SLC25A25: variants seen among roughly 807,000 people sequenced by gnomAD.
The protein encoded by SLC25A25 is solute carrier family 25 member 25.
A neutral mutation model predicts 57.7 loss-of-function variants in SLC25A25; 32 were observed. That is an observed-to-expected ratio of 0.55 (90% CI 0.42 to 0.74). The LOEUF is 0.74. Ranked by LOEUF, SLC25A25 falls within the 30% of genes least tolerant of loss-of-function variation. The pLI is 0.00. For synonymous variants in SLC25A25, 306 were observed against 291.2 expected (o/e 1.05, Z -0.52); for missense variants, 556 against 701.3 (o/e 0.79, Z 2.34).
At chr9:128,089,864 G>A (rs1351632615) in intron 1 of SLC25A25, among the ~76,000 whole-genome samples, 4 of 151,842 alleles carry the variant, frequency 2.6e-5, no homozygotes, top group African/African-American at 9.7e-5. Flanking sequence ...CAGACTCGTC[G>A]GCTCAGGCAG....
intron 1 of SLC25A25, among the ~76,000 whole-genome samples, chr9:128,080,879 C>T (rs1197083341): frequency 6.6e-6 from 1 of 152,146 alleles, no homozygotes; most frequent in Non-Finnish European, 1.5e-5. Flanking sequence ...AGAAGTTAAG[C>T]AATTTGTCCA....
intron 1 of SLC25A25, among the ~76,000 whole-genome samples, chr9:128,075,764 A>G (rs1381596062): frequency 6.6e-6 from 1 of 152,054 alleles, no homozygotes; most frequent in East Asian, 1.9e-4. Context: ...GAATCACTTG[A>G]ATCCAGGAGG....
At position 128,107,635 on chromosome 9, in the gene SLC25A25, C is replaced by T; in HGVS notation, c.*191C>T. ...CTTGTCCTGCTGACCCCAGCAGACC[C>T]TCCTGTTGGTTCCAGCGAAGACCAC... is the stretch of plus-strand genomic sequence containing the variant. On this transcript the variant is annotated 3_prime_UTR_variant, in exon 11 of 11. Transcript: ENST00000373069. 1.8e-6 allele frequency: 1 copy of T among 553,800 alleles called. No homozygotes were observed. The highest frequency in any genetic ancestry group is 2.9e-6 in the Non-Finnish European group (1 of 343,876). The allele number at this position is 553,800 out of a possible 1,614,324, so 34.3% of individuals were successfully genotyped here.
chr9:128,102,544 G>A lies in SLC25A25; in HGVS notation c.624+63G>A, dbSNP rs1231378941. 1.5e-6 allele frequency: 2 copies of A among 1,367,952 alleles called. No homozygotes were observed. The highest frequency in any genetic ancestry group is 2.9e-5 in the African/African-American group (2 of 69,502). 84.7% of individuals were successfully genotyped at this position (1,367,952 alleles called of 1,614,324 possible). ...GGGACCCTTAGCCCAGAGTCACCCA[G>A]TCGTCCCCATCCCAGAGTGCAGCTG... On this transcript the variant is annotated intron_variant, in intron 5 of 10. Coordinates refer to ENST00000373069, the MANE Select transcript of SLC25A25 (RefSeq NM_001330988.2). This position sits in a 1 kb window ranked among gnomAD's most constrained non-coding sequence, Gnocchi z 4.1.
In SLC25A25 at chr9:128,106,379, G is replaced by A. The variant is rs1353532372; in HGVS notation, c.1071G>A (p.Arg357=). 7 of 1,613,678 alleles carry A rather than the reference G, an allele frequency of 4.3e-6. No individual in the cohort carries two copies. Among genetic ancestry groups the A allele is most frequent in the Non-Finnish European group, 5.9e-6 (7 of 1,179,910 alleles). ...TCCTGAAGACCCGGATGGCGCTGCG[G>A]AAGACAGGCCAGTACTCAGGAATGC... is the stretch of plus-strand genomic sequence containing the variant. The part of the protein sequence containing the change: ...MEVLKTRMAL[R]KTGQYSGMLD... The change falls in exon 9 of 11, where the codon CGG becomes CGA. Residue 357 remains arginine, a synonymous_variant. Coordinates refer to ENST00000373069, the MANE Select transcript of SLC25A25 (RefSeq NM_001330988.2).
chr9:128,100,809 C>T, intron 1 of SLC25A25: 1 of 402,714 alleles, frequency 2.5e-6, no homozygotes, highest in Non-Finnish European at 4.5e-6. Flanking sequence ...CCCTGTCGGC[C>T]TCTGTCCGGA....
intron 1 of SLC25A25, chr9:128,100,838 T>C: frequency 2.1e-6 from 1 of 483,610 alleles, no homozygotes; most frequent in South Asian, 2.3e-5. Flanking sequence ...CCCAGGCTCC[T>C]TGTTTCCTCT....
chr9:128,075,789 A>AGCC (rs1392791301), intron 1 of SLC25A25, among the ~76,000 whole-genome samples: 1 of 152,164 alleles, frequency 6.6e-6, no homozygotes, highest in Non-Finnish European at 1.5e-5. Flanking sequence ...GGTTGCAGTG[A>AGCC]GCCGAGATCG....
Position 128,099,260 on chromosome 9 carries a change from C to T in SLC25A25, c.262-1836C>T. 1.6e-6 allele frequency: 2 copies of T among 1,289,166 alleles called. No individual in the cohort carries two copies. Among genetic ancestry groups the T allele is most frequent in the Non-Finnish European group, 2.0e-6 (2 of 988,566 alleles). 79.9% of individuals were successfully genotyped at this position (1,289,166 alleles called of 1,614,324 possible). A position where few individuals can be genotyped will look rare whatever the true frequency, so the allele number is the denominator to read the frequency against. On this transcript the variant is annotated intron_variant, in intron 1 of 10. Coordinates refer to ENST00000373069, the MANE Select transcript of SLC25A25 (RefSeq NM_001330988.2). The surrounding 1 kb of genome is among the most constrained non-coding windows in gnomAD (Gnocchi z 6.8). ...CCTCGGCTTCTCGGTTAATCAGTTT[C>T]CCTGCTACCCCCAGTGCCCACTGTG...
In SLC25A25 at chr9:128,101,626, A is replaced by C. The variant is rs527682325; in HGVS notation, c.476+230A>C. Among the ~76,000 whole-genome samples, 9 of 146,424 alleles carry C rather than the reference A, an allele frequency of 6.1e-5. No homozygotes were observed. In the East Asian group the frequency reaches 2.0e-3, roughly 32 times the overall value. On this transcript the variant is annotated intron_variant, in intron 3 of 10. Transcript: ENST00000373069. This position sits in a 1 kb window ranked among gnomAD's most constrained non-coding sequence, Gnocchi z 4.9. ...AATTTTGCCCATCGGCCAGTGGCCC[A>C]TGAAGGGAAAACTAATTTGGGGGTG...
intron 1 of SLC25A25, among the ~76,000 whole-genome samples, chr9:128,088,947 C>T (rs1257950550): frequency 6.6e-6 from 1 of 152,128 alleles, no homozygotes. Context: ...ATTTTTGAGG[C>T]AGGGTCTCAC....
intron 1 of SLC25A25, among the ~76,000 whole-genome samples, chr9:128,090,009 C>A (rs531932494): frequency 6.6e-6 from 1 of 152,024 alleles, no homozygotes; most frequent in East Asian, 1.9e-4. Context: ...GGTTCAGTTT[C>A]GCAAGATATA....
intron 1 of SLC25A25, among the ~76,000 whole-genome samples, chr9:128,084,107 C>T (rs1564181715): frequency 6.6e-6 from 1 of 152,072 alleles, no homozygotes; most frequent in African/African-American, 2.4e-5. Context: ...TTCTAAGCCC[C>T]ACCAACCAAC....
chr9:128,104,914 T>C (rs1316463561), intron 6 of SLC25A25, among the ~76,000 whole-genome samples: 1 of 150,344 alleles, frequency 6.7e-6, no homozygotes, highest in Non-Finnish European at 1.5e-5. Flanking sequence ...TAGAGTACAG[T>C]GGTATGATCT....
rs773467573 is a variant in SLC25A25 at position 128,106,487 on chromosome 9, C to T, written c.1179C>T (p.Ile393=). 16 of 1,611,320 alleles carry T rather than the reference C, an allele frequency of 9.9e-6. No homozygotes were observed. Among genetic ancestry groups the T allele is most frequent in the African/African-American group, 1.3e-5 (1 of 75,012 alleles). ...ATGTCCCCAACATGCTGGGCATCAT[C>T]CCCTATGCCGGCATCGACCTTGCAG... ...KGYVPNMLGI[I]PYAGIDLAVY... Residue 393 remains isoleucine, a synonymous_variant, in exon 9 of 11, where the codon ATC becomes ATT. Coordinates refer to ENST00000373069, the MANE Select transcript of SLC25A25 (RefSeq NM_001330988.2).
At chr9:128,098,746 G>A (rs774254887) in intron 1 of SLC25A25, 1 of 1,612,428 alleles carries the variant, frequency 6.2e-7, no homozygotes, top group Admixed American at 1.7e-5. Flanking sequence ...TGACCGCGCG[G>A]AAGGGAGAGG....
intron 1 of SLC25A25, among the ~76,000 whole-genome samples, chr9:128,077,249 C>T (rs563961165): frequency 6.6e-6 from 1 of 152,172 alleles, no homozygotes; most frequent in East Asian, 1.9e-4. Context: ...CAGTCGCGGC[C>T]GGGCGCGGTG....
chr9:128,070,787 A>G (rs966125935), intron 1 of SLC25A25, among the ~76,000 whole-genome samples: 8 of 151,586 alleles, frequency 5.3e-5, no homozygotes, highest in Non-Finnish European at 1.0e-4. Context: ...ACCCGTCTCT[A>G]CTAAAAATAC....
chr9:128,103,907 T>C lies in SLC25A25; in HGVS notation c.783+68T>C, dbSNP rs900367714. ...CACCTGGGGGATGCTGCTTGGCTAG[T>C]TTTCCCTTTCTCTGGCTGGTGCCTG... On this transcript the variant is annotated intron_variant, in intron 6 of 10. Transcript: ENST00000373069. The surrounding 1 kb of genome is among the most constrained non-coding windows in gnomAD (Gnocchi z 6.7). 1.4e-6 allele frequency: 2 copies of C among 1,453,680 alleles called. No individual in the cohort carries two copies. The highest frequency in any genetic ancestry group is 9.1e-7 in the Non-Finnish European group (1 of 1,100,726). The allele number at this position is 1,453,680 out of a possible 1,614,324, so 90.0% of individuals were successfully genotyped here. A position where few individuals can be genotyped will look rare whatever the true frequency, so the allele number is the denominator to read the frequency against.
Sources: gnomAD v4.1 joint callset for allele counts (sites outside exome capture counted in the v4.1 genomes callset) on GRCh38, gnomAD v4.1.1 for gene constraint, Gnocchi (gnomAD v3.1) non-coding constraint, MANE v1.5 for transcripts, NCBI Gene and HGNC (gene_info 2026-07-23, HGNC 2026-07-21) for gene names.